Variants in RIMBP2 observed in about 807,000 individuals in gnomAD.
The protein encoded by RIMBP2 is RIMS-binding protein 2.
In RIMBP2, 48 loss-of-function variants were observed where a neutral mutation model predicts 118.6. The observed-to-expected ratio is 0.40, with a 90% confidence interval of 0.32 to 0.51. RIMBP2 has a LOEUF of 0.51. Ranked by LOEUF, RIMBP2 falls within the 20% of genes least tolerant of loss-of-function variation. The probability of loss-of-function intolerance (pLI) is 0.41; values close to 1 mark genes in which losing one functional copy is unlikely to be tolerated. For synonymous variants in RIMBP2, 762 were observed against 742.9 expected (o/e 1.03, Z -0.42); for missense variants, 1,551 against 1,768.3 (o/e 0.88, Z 2.20).
intron 1 of RIMBP2, among the ~76,000 whole-genome samples, chr12:130,638,994 A>G (rs1374700347): frequency 6.6e-6 from 1 of 152,216 alleles, no homozygotes; most frequent in Non-Finnish European, 1.5e-5. Context: ...CAAATGTACC[A>G]TAGTAATAAT....
chr12:130,701,550 G>A (rs138755556), intron 1 of RIMBP2, among the ~76,000 whole-genome samples: 174 of 152,210 alleles, frequency 1.1e-3, no homozygotes, highest in African/African-American at 3.8e-3. Flanking sequence ...TCAGGCCCGC[G>A]TCTGAACATG....
At chr12:130,678,970 A>G (rs2064639243) in intron 1 of RIMBP2, among the ~76,000 whole-genome samples, 3 of 152,224 alleles carry the variant, frequency 2.0e-5, no homozygotes, top group African/African-American at 7.2e-5. Context: ...AATATCTTGG[A>G]ACTAGACGCT....
At chr12:130,543,264 A>G (rs2054775510) in intron 2 of RIMBP2, among the ~76,000 whole-genome samples, 1 of 152,078 alleles carries the variant, frequency 6.6e-6, no homozygotes, top group African/African-American at 2.4e-5. Context: ...CCATTATCTT[A>G]CTATTTGAAT....
chr12:130,428,497 G>A, intron 14 of RIMBP2, 160 bp from the exon 15 acceptor site: 2 of 655,582 alleles, frequency 3.1e-6, no homozygotes, highest in Non-Finnish European at 5.0e-6. Flanking sequence ...GGAAAGTGAG[G>A]CTGGAGAGAG....
At chr12:130,603,241 G>A (rs569463161) in intron 2 of RIMBP2, among the ~76,000 whole-genome samples, 1 of 152,308 alleles carries the variant, frequency 6.6e-6, no homozygotes, top group Non-Finnish European at 1.5e-5. Flanking sequence ...GACAAGGCAG[G>A]GAAGCATGCC....
In RIMBP2 at chr12:130,576,554, G is replaced by A. The variant is rs2140131717; in HGVS notation, c.-217+51768C>T. The stretch of plus-strand genomic sequence containing the variant: ...ACCCAGAACCAAAGCAATCACCCAG[G>A]AAAGAGAATCAAGCCAGACTATTCA... On this transcript the variant is annotated intron_variant, in intron 2 of 22. Coordinates refer to ENST00000690449, the MANE Select transcript of RIMBP2 (RefSeq NM_001393629.1). This position sits in a 1 kb window ranked among gnomAD's most constrained non-coding sequence, Gnocchi z 4.2. Among the ~76,000 whole-genome samples the A allele has an allele frequency of 6.6e-6, 1 of 152,250 alleles. No homozygotes were observed. The highest frequency in any genetic ancestry group is 2.1e-4 in the South Asian group (1 of 4,824).
Position 130,434,139 on chromosome 12 carries a change from T to G in RIMBP2, c.2253+595A>C, listed in dbSNP as rs1234885798. Among the ~76,000 whole-genome samples the G allele has an allele frequency of 1.3e-5, 2 of 152,210 alleles. No homozygotes were observed. Among genetic ancestry groups the G allele is most frequent in the Non-Finnish European group, 2.9e-5 (2 of 68,042 alleles). The stretch of plus-strand genomic sequence containing the variant: ...TGCAGCGTCTTCGAGCTCCCACTAT[T>G]TAGCATTCCCCAGGCCCTCGGTTAT... On this transcript the variant is annotated intron_variant, in intron 14 of 22. Transcript: ENST00000690449. The surrounding 1 kb of genome is among the most constrained non-coding windows in gnomAD (Gnocchi z 5.7).
At chr12:130,656,063 G>C (rs971104376) in intron 1 of RIMBP2, among the ~76,000 whole-genome samples, 1 of 152,232 alleles carries the variant, frequency 6.6e-6, no homozygotes, top group African/African-American at 2.4e-5. Context: ...TTGGGGCTGG[G>C]GACACGGTGG....
At chr12:130,677,384 T>G (rs2064540410) in intron 1 of RIMBP2, among the ~76,000 whole-genome samples, 1 of 152,068 alleles carries the variant, frequency 6.6e-6, no homozygotes. Context: ...TCCCAGCACT[T>G]TAGAAGGCCA....
rs1035243641 is a variant in RIMBP2, at chr12:130,710,320, G to A, written c.-352+5902C>T. ...AGACCCTCCCAGATCATCCAGGTGC[G>A]GCCCCTGACATCAGCCATTGGAACC... On this transcript the variant is annotated intron_variant, in intron 1 of 22. Transcript: ENST00000690449. This position sits in a 1 kb window ranked among gnomAD's most constrained non-coding sequence, Gnocchi z 4.3. Among the ~76,000 whole-genome samples, 3 of 152,020 alleles carry A rather than the reference G, an allele frequency of 2.0e-5. No individual in the cohort carries two copies. Among genetic ancestry groups the A allele is most frequent in the Non-Finnish European group, 2.9e-5 (2 of 68,014 alleles).
At chr12:130,470,128 G>A (rs909661960) in intron 6 of RIMBP2, 2 of 152,306 alleles carry the variant, frequency 1.3e-5, no homozygotes, top group African/African-American at 4.8e-5. Flanking sequence ...TCTCTGGGAG[G>A]CAGGAGAAGG....
chr12:130,653,689 T>C (rs1467974844), intron 1 of RIMBP2, among the ~76,000 whole-genome samples: 1 of 152,220 alleles, frequency 6.6e-6, no homozygotes, highest in Non-Finnish European at 1.5e-5. Flanking sequence ...GGCTTCTAGC[T>C]TGGAACCCAG....
At chr12:130,522,044 T>C (rs771803292) in intron 2 of RIMBP2, among the ~76,000 whole-genome samples, 5 of 152,172 alleles carry the variant, frequency 3.3e-5, no homozygotes, top group Admixed American at 6.5e-5. Flanking sequence ...CCTCCACTTA[T>C]GCCCATCAGA....
At chr12:130,532,367 T>G (rs1479548321) in intron 2 of RIMBP2, among the ~76,000 whole-genome samples, 145 of 103,540 alleles carry the variant, frequency 1.4e-3, no homozygotes, top group Middle Eastern at 7.2e-3. Context: ...CCTCTAGGAG[T>G]TACGTCTAAT....
chr12:130,637,123 G>A (rs2062385160), intron 1 of RIMBP2, among the ~76,000 whole-genome samples: 1 of 152,200 alleles, frequency 6.6e-6, no homozygotes. Flanking sequence ...CACAGCCATC[G>A]AATCTTTGCA....
At chr12:130,587,796 A>T (rs2059002937) in intron 2 of RIMBP2, among the ~76,000 whole-genome samples, 1 of 144,354 alleles carries the variant, frequency 6.9e-6, no homozygotes. Context: ...AACCTGCACA[A>T]TGTGCACATG....
chr12:130,712,332 G>A (rs1949981672), intron 1 of RIMBP2, among the ~76,000 whole-genome samples: 1 of 152,146 alleles, frequency 6.6e-6, no homozygotes. Flanking sequence ...ACATTGTACA[G>A]CTGTACAAAA....
rs2058607784 is a variant in RIMBP2 at position 130,583,467 on chromosome 12, A to ATATCAC, written c.-217+44854_-217+44855insGTGATA. ...TTACATCATCACTATCATGACCATT[A>ATATCAC]CATCACCATCACCATCACCTCATCA... On this transcript the variant is annotated intron_variant, in intron 2 of 22. Transcript: ENST00000690449. Among the ~76,000 whole-genome samples, 2 of 125,742 alleles carry ATATCAC rather than the reference A, an allele frequency of 1.6e-5. 1 individual carries two copies. Among genetic ancestry groups the ATATCAC allele is most frequent in the Admixed American group, 1.8e-4 (2 of 11,386 alleles). The allele number at this position is 125,742 out of a possible 152,430, so 82.5% of individuals were successfully genotyped here. A position where few individuals can be genotyped will look rare whatever the true frequency, so the allele number is the denominator to read the frequency against.
At chr12:130,416,847 C>T (rs1005465962) in intron 17 of RIMBP2, among the ~76,000 whole-genome samples, 4 of 151,868 alleles carry the variant, frequency 2.6e-5, no homozygotes, top group Non-Finnish European at 5.9e-5. Flanking sequence ...CCGGAATCTG[C>T]AAGGAACTTA....
Sources: gnomAD v4.1 joint callset for allele counts (sites outside exome capture counted in the v4.1 genomes callset) on GRCh38, gnomAD v4.1.1 for gene constraint, Gnocchi (gnomAD v3.1) non-coding constraint, MANE v1.5 for transcripts, NCBI Gene and HGNC (gene_info 2026-07-23, HGNC 2026-07-21) for gene names.